TAOK3: variants seen among roughly 807,000 people sequenced by gnomAD.
TAOK3 encodes serine/threonine-protein kinase TAO3.
TAOK3 carries 40 observed loss-of-function variants against 120.4 expected under a neutral mutation model. The observed-to-expected ratio is 0.33, with a 90% confidence interval of 0.26 to 0.43. TAOK3 has a LOEUF of 0.43. Ranked by LOEUF, TAOK3 falls within the 20% of genes least tolerant of loss-of-function variation. TAOK3 has a pLI of 1.00. For synonymous variants in TAOK3, 355 were observed against 387.5 expected (o/e 0.92, Z 0.99); for missense variants, 821 against 1,112.1 (o/e 0.74, Z 3.72).
chr12:118,220,980 A>G (rs1473044009), intron 9 of TAOK3, among the ~76,000 whole-genome samples: 1 of 152,206 alleles, frequency 6.6e-6, no homozygotes, highest in Non-Finnish European at 1.5e-5. Flanking sequence ...AATACTACAG[A>G]GCAAGGGCTG....
intron 11 of TAOK3, among the ~76,000 whole-genome samples, chr12:118,207,858 T>TCACACACTCACACACA (rs1555221797): frequency 6.9e-6 from 1 of 144,350 alleles, no homozygotes; most frequent in Non-Finnish European, 1.5e-5. Flanking sequence ...AGACTCTGTC[T>TCACACACTCACACACA]CACACACACA....
chr12:118,185,759 G>T (rs981118257), intron 14 of TAOK3, among the ~76,000 whole-genome samples: 7 of 152,174 alleles, frequency 4.6e-5, no homozygotes, highest in Admixed American at 1.3e-4. Context: ...CAAGGCTGGA[G>T]GTGACCTCAT....
At chr12:118,298,108 A>G (rs1205219418) in intron 1 of TAOK3, among the ~76,000 whole-genome samples, 1 of 152,144 alleles carries the variant, frequency 6.6e-6, no homozygotes, top group East Asian at 1.9e-4. Context: ...TTAGTTACCA[A>G]TTGGAGAAGA....
At chr12:118,311,672 C>T (rs1331572737) in intron 1 of TAOK3, among the ~76,000 whole-genome samples, 2 of 151,662 alleles carry the variant, frequency 1.3e-5, no homozygotes, top group East Asian at 3.9e-4. Context: ...TATTTAAAAA[C>T]CAAACAAAAC....
intron 20 of TAOK3, 40 bp downstream of exon 20, chr12:118,152,187 T>C (rs1282278249): frequency 6.3e-7 from 1 of 1,590,182 alleles, no homozygotes; most frequent in East Asian, 2.3e-5. Flanking sequence ...CACGCCCCCT[T>C]CCACCCAGTG....
At chr12:118,341,113 C>T (rs2044599785) in intron 1 of TAOK3, among the ~76,000 whole-genome samples, 1 of 151,740 alleles carries the variant, frequency 6.6e-6, no homozygotes, top group African/African-American at 2.4e-5. Flanking sequence ...TCTTGTTCGT[C>T]CTCAGCCTCC....
chr12:118,318,440 G>A (rs1173813902), intron 1 of TAOK3, among the ~76,000 whole-genome samples: 4 of 152,152 alleles, frequency 2.6e-5, no homozygotes, highest in Non-Finnish European at 1.5e-5. Context: ...ACAGGTGTGA[G>A]CCGCTGCGCC....
At chr12:118,172,194 G>A (rs2036034226) in intron 17 of TAOK3, among the ~76,000 whole-genome samples, 1 of 152,192 alleles carries the variant, frequency 6.6e-6, no homozygotes, top group African/African-American at 2.4e-5. Context: ...TTCATTGTGT[G>A]ATATGGCTTA....
intron 13 of TAOK3, 142 bp from the exon 14 acceptor site, chr12:118,190,083 G>A (rs776194865): frequency 8.9e-6 from 9 of 1,016,070 alleles, no homozygotes; most frequent in Non-Finnish European, 1.3e-5. Context: ...CAGCTCCCAC[G>A]GTACAAAATG....
chr12:118,361,929 A>T (rs201470005), intron 1 of TAOK3, among the ~76,000 whole-genome samples: 5 of 132,726 alleles, frequency 3.8e-5, no homozygotes, highest in East Asian at 4.0e-4. Context: ...ATAATAATAA[A>T]AAAACATGCT....
At chr12:118,173,840 T>C (rs1407971787) in intron 16 of TAOK3, among the ~76,000 whole-genome samples, 2 of 152,264 alleles carry the variant, frequency 1.3e-5, no homozygotes, top group Non-Finnish European at 2.9e-5. Flanking sequence ...TCTCCTTTAG[T>C]TGCTAACACC....
chr12:118,264,905 A>C (rs1357159248), intron 2 of TAOK3, among the ~76,000 whole-genome samples: 1 of 150,544 alleles, frequency 6.6e-6, no homozygotes, highest in Non-Finnish European at 1.5e-5. Context: ...GTGGTGGTGC[A>C]TGCCTGTAAT....
chr12:118,360,819 A>C (rs2045574075), intron 1 of TAOK3, among the ~76,000 whole-genome samples: 1 of 152,196 alleles, frequency 6.6e-6, no homozygotes, highest in Admixed American at 6.5e-5. Flanking sequence ...AGTTACTAAG[A>C]AGCATTGTAA....
chr12:118,306,651 C>A (rs1662513827), intron 1 of TAOK3, among the ~76,000 whole-genome samples: 1 of 152,086 alleles, frequency 6.6e-6, no homozygotes, highest in South Asian at 2.1e-4. Context: ...ATTTAGTGGA[C>A]CTTAATGTTC....
intron 1 of TAOK3, among the ~76,000 whole-genome samples, chr12:118,341,986 G>GT (rs2044638788): frequency 6.6e-6 from 1 of 152,228 alleles, no homozygotes; most frequent in African/African-American, 2.4e-5. Flanking sequence ...TTGTACCACT[G>GT]CACTACTGCC....
intron 1 of TAOK3, among the ~76,000 whole-genome samples, chr12:118,267,969 A>G (rs1157074003): frequency 2.0e-5 from 3 of 151,878 alleles, no homozygotes; most frequent in Non-Finnish European, 4.4e-5. Context: ...ACTTTTCTCC[A>G]TGGACGTATT....
At chr12:118,349,098 C>T (rs2045018929) in intron 1 of TAOK3, among the ~76,000 whole-genome samples, 1 of 151,778 alleles carries the variant, frequency 6.6e-6, no homozygotes, top group Non-Finnish European at 1.5e-5. Flanking sequence ...CACCATGTTG[C>T]CCAGGCTGGT....
intron 11 of TAOK3, among the ~76,000 whole-genome samples, chr12:118,212,179 T>C (rs746758790): frequency 2.6e-4 from 40 of 152,150 alleles, no homozygotes; most frequent in Non-Finnish European, 4.0e-4. Flanking sequence ...AGAACTGCTA[T>C]ACAATAAAAG....
At position 118,181,468 on chromosome 12, in the gene TAOK3, C is replaced by A; in HGVS notation, c.1469G>T (p.Arg490Leu). Residue 490 changes from arginine to leucine, a missense_variant, in exon 15 of 21, where the codon CGC (arginine) becomes CTC (leucine). By Grantham distance (102) the Arg-to-Leu change is moderately radical. Around this residue, in one of 2 missense-constraint regions of TAOK3, gnomAD observed 354 missense variants for 572.1 expected, o/e 0.62. Transcript: ENST00000392533. ...NKLKAEMDEH[R>L]LKLQKEVETH... ...CTCCACCTCCTTCTGTAGCTTGAGGCGGTGCTCGTCCATCTCAGCCTTCAG... is the reference window on the plus strand; with the variant it reads ...CTCCACCTCCTTCTGTAGCTTGAGGAGGTGCTCGTCCATCTCAGCCTTCAG... 3 of 1,614,174 alleles carry A rather than the reference C, an allele frequency of 1.9e-6. No homozygotes were observed. Among genetic ancestry groups the A allele is most frequent in the Non-Finnish European group, 2.5e-6 (3 of 1,180,028 alleles).
Sources: gnomAD v4.1 joint callset for allele counts (sites outside exome capture counted in the v4.1 genomes callset) on GRCh38, gnomAD v4.1.1 for gene constraint, gnomAD v4.1.1 regional missense constraint, MANE v1.5 for transcripts, NCBI Gene and HGNC (gene_info 2026-07-23, HGNC 2026-07-21) for gene names.